Variants in KHDRBS2 observed in about 807,000 individuals in gnomAD.
The protein encoded by KHDRBS2 is KH domain-containing, RNA-binding, signal transduction-associated protein 2.
In KHDRBS2, 26 loss-of-function variants were observed where a neutral mutation model predicts 44.3. The ratio of observed to expected loss-of-function variants is 0.59; its 90% CI spans 0.43 to 0.81. The LOEUF is 0.81. Ranked by LOEUF, KHDRBS2 falls within the 40% of genes least tolerant of loss-of-function variation. The probability of loss-of-function intolerance (pLI) is 0.00; values close to 1 mark genes in which losing one functional copy is unlikely to be tolerated. For synonymous variants in KHDRBS2, 194 were observed against 151.1 expected (o/e 1.28, Z -2.08); for missense variants, 476 against 433.1 (o/e 1.10, Z -0.88).
chr6:61,653,313 C>T, the KHDRBS2 span, among the ~76,000 whole-genome samples: 1 of 152,196 alleles, frequency 6.6e-6, no homozygotes, highest in African/African-American at 2.4e-5. Context: ...AAAGATAAAA[C>T]TTCTGTGGAC....
intron 4 of KHDRBS2, among the ~76,000 whole-genome samples, chr6:61,963,550 G>C (rs564228569): frequency 1.3e-5 from 2 of 151,996 alleles, no homozygotes; most frequent in Non-Finnish European, 2.9e-5. Flanking sequence ...CTATGAAAGG[G>C]GAACACTGAA....
chr6:61,671,646 G>T, the KHDRBS2 span, among the ~76,000 whole-genome samples: 1 of 151,546 alleles, frequency 6.6e-6, no homozygotes, highest in Non-Finnish European at 1.5e-5. Flanking sequence ...CTATCTTATT[G>T]TTACCTCAGA....
chr6:61,611,157 C>A, the KHDRBS2 span, among the ~76,000 whole-genome samples: 1 of 152,038 alleles, frequency 6.6e-6, no homozygotes, highest in African/African-American at 2.4e-5. Flanking sequence ...GACATGTAAA[C>A]CCTGTATAAA....
chr6:62,082,254 A>G (rs556681821), intron 2 of KHDRBS2, among the ~76,000 whole-genome samples: 2 of 152,126 alleles, frequency 1.3e-5, no homozygotes, highest in South Asian at 4.2e-4. Flanking sequence ...CCATCTTCTG[A>G]CAAGAAAAAG....
chr6:61,764,615 T>G (rs1455719052), intron 6 of KHDRBS2, among the ~76,000 whole-genome samples: 1 of 152,218 alleles, frequency 6.6e-6, no homozygotes, highest in African/African-American at 2.4e-5. Flanking sequence ...GATTTGCATT[T>G]CTCTAATGAT....
chr6:61,638,126 T>A, the KHDRBS2 span, among the ~76,000 whole-genome samples: 6 of 152,068 alleles, frequency 3.9e-5, no homozygotes, highest in Middle Eastern at 3.2e-3. Context: ...AAGCTACCAA[T>A]GACTTTCTTC....
the KHDRBS2 span, among the ~76,000 whole-genome samples, chr6:61,619,995 AG>A: frequency 6.6e-6 from 1 of 152,146 alleles, no homozygotes; most frequent in Non-Finnish European, 1.5e-5. Flanking sequence ...TACTTGTGTA[AG>A]GGTTGTTGTG....
chr6:62,033,832 T>C (rs369573354), intron 3 of KHDRBS2, among the ~76,000 whole-genome samples: 1 of 151,296 alleles, frequency 6.6e-6, no homozygotes, highest in South Asian at 2.1e-4. Flanking sequence ...ATATGAAATA[T>C]CCATGAAATA....
chr6:61,684,269 C>T (rs762096220), intron 8 of KHDRBS2, among the ~76,000 whole-genome samples: 16 of 151,920 alleles, frequency 1.1e-4, no homozygotes, highest in African/African-American at 3.1e-4. Flanking sequence ...TGCTCACCAG[C>T]GATATTTAGG....
the KHDRBS2 span, among the ~76,000 whole-genome samples, chr6:61,645,149 C>T: frequency 6.6e-6 from 1 of 151,870 alleles, no homozygotes; most frequent in Non-Finnish European, 1.5e-5. Context: ...AAAATGAGAT[C>T]CTGTCCTATG....
At chr6:62,115,298 C>T (rs1481385874) in intron 2 of KHDRBS2, among the ~76,000 whole-genome samples, 2 of 152,144 alleles carry the variant, frequency 1.3e-5, no homozygotes, top group African/African-American at 4.8e-5. Flanking sequence ...ATATTCTGCT[C>T]AGCACCTTAT....
At chr6:62,255,898 G>A (rs1174329078) in intron 1 of KHDRBS2, among the ~76,000 whole-genome samples, 10 of 151,832 alleles carry the variant, frequency 6.6e-5, no homozygotes, top group African/African-American at 1.7e-4. Context: ...TTGGGAGGCC[G>A]GGGTGGGCAG....
chr6:61,727,765 A>T (rs1773810946), intron 7 of KHDRBS2, among the ~76,000 whole-genome samples: 1 of 152,188 alleles, frequency 6.6e-6, no homozygotes, highest in Non-Finnish European at 1.5e-5. Flanking sequence ...TATTATTAAA[A>T]AGTCAAAAAA....
chr6:61,756,763 G>C (rs1778552807), intron 6 of KHDRBS2, among the ~76,000 whole-genome samples: 1 of 152,176 alleles, frequency 6.6e-6, no homozygotes, highest in South Asian at 2.1e-4. Flanking sequence ...CTAGTGTGTA[G>C]ACACAGGTAT....
chr6:61,981,536 C>G (rs1338863102), intron 3 of KHDRBS2, among the ~76,000 whole-genome samples: 1 of 151,538 alleles, frequency 6.6e-6, no homozygotes, highest in Non-Finnish European at 1.5e-5. Flanking sequence ...CGTATACTTA[C>G]TTTTGAAATC....
chr6:62,178,852 C>A (rs1438818040), intron 1 of KHDRBS2, among the ~76,000 whole-genome samples: 4 of 151,236 alleles, frequency 2.6e-5, no homozygotes, highest in Non-Finnish European at 5.9e-5. Flanking sequence ...ATGGATAGAA[C>A]AAAACATTAT....
At chr6:61,788,368 G>T (rs1246319941) in intron 6 of KHDRBS2, among the ~76,000 whole-genome samples, 1 of 151,362 alleles carries the variant, frequency 6.6e-6, no homozygotes, top group Non-Finnish European at 1.5e-5. Context: ...CAAATCATTT[G>T]CTTAACAACA....
chr6:61,629,566 C>G, the KHDRBS2 span, among the ~76,000 whole-genome samples: 29,336 of 152,044 alleles, frequency 0.19, 3,338 homozygotes, highest in South Asian at 0.33. Flanking sequence ...GAAAACACAA[C>G]TTTTTAAAGA....
chr6:61,643,910 C>T, the KHDRBS2 span, among the ~76,000 whole-genome samples: 3 of 152,098 alleles, frequency 2.0e-5, no homozygotes, highest in Admixed American at 2.0e-4. Context: ...AATGCTATTC[C>T]TATCAAACTA....
Sources: gnomAD v4.1 joint callset for allele counts (sites outside exome capture counted in the v4.1 genomes callset) on GRCh38, gnomAD v4.1.1 for gene constraint, MANE v1.5 for transcripts, NCBI Gene and HGNC (gene_info 2026-07-23, HGNC 2026-07-21) for gene names.